The following SAMD4A variants were observed in gnomAD, a reference collection of about 807,000 sequenced individuals.
SAMD4A encodes sterile alpha motif domain containing 4A, also known as protein Smaug homolog 1.
A neutral mutation model predicts 81.3 loss-of-function variants in SAMD4A; 33 were observed. The ratio of observed to expected loss-of-function variants is 0.41; its 90% confidence interval spans 0.31 to 0.54. The LOEUF is 0.54. Ranked by LOEUF, SAMD4A falls within the 20% of genes least tolerant of loss-of-function variation. The pLI is 0.37. For missense variants in SAMD4A, 854 were observed against 951.1 expected (o/e 0.90, Z 1.34); for synonymous variants, 389 against 382.1 (o/e 1.02, Z -0.21).
At chr14:54,571,552 A>G (rs747231521) in intron 2 of SAMD4A, among the ~76,000 whole-genome samples, 6 of 152,222 alleles carry the variant, frequency 3.9e-5, no homozygotes, top group South Asian at 4.1e-4. Flanking sequence ...TATATTTTTC[A>G]TAGAGATTTA....
At position 54,776,411 on chromosome 14, in the gene SAMD4A, C is replaced by T. The variant is rs368100379; in HGVS notation, c.1918-3C>T. The T allele has an allele frequency of 1.0e-5, 16 of 1,589,992 alleles. No individual in the cohort carries two copies. The African/African-American group carries it at 1.4e-4, about 14-fold the overall frequency. The stretch of plus-strand genomic sequence containing the variant: ...CAAGTTCCCCTTTTGCTTTTCTCAC[C>T]AGAACCTGTGGTTTGCCAACCCCGG... On this transcript the variant is annotated splice_region_variant and splice_polypyrimidine_tract_variant and intron_variant, in intron 10 of 12. Transcript: ENST00000554335.
At chr14:54,751,579 G>C in intron 6 of SAMD4A, 42 bp downstream of exon 6, 1 of 1,287,470 alleles carries the variant, frequency 7.8e-7, no homozygotes, top group Non-Finnish European at 1.1e-6. Context: ...TTCATTATGG[G>C]AAAATGGACC....
intron 3 of SAMD4A, among the ~76,000 whole-genome samples, chr14:54,730,083 T>G (rs1195559993): frequency 6.6e-6 from 1 of 152,212 alleles, no homozygotes; most frequent in East Asian, 1.9e-4. Context: ...CTAATTTATT[T>G]CTTAAAAGCT....
At chr14:54,589,818 G>A (rs113054551) in intron 2 of SAMD4A, among the ~76,000 whole-genome samples, 1 of 151,996 alleles carries the variant, frequency 6.6e-6, no homozygotes, top group African/African-American at 2.4e-5. Flanking sequence ...CCCTCTGATC[G>A]ACTGCCTCAA....
intron 11 of SAMD4A, chr14:54,784,178 G>A (rs2039074338): frequency 4.8e-6 from 3 of 619,084 alleles, no homozygotes; most frequent in Non-Finnish European, 8.8e-6. Flanking sequence ...GGAGAGAGCT[G>A]TATGAGGGTA....
At position 54,622,053 on chromosome 14, in the gene SAMD4A, C is replaced by CCTA. The variant is rs145959679; in HGVS notation, c.196+53943_196+53945dup. ...ATTTTTCATGTATAAAAATGTCCTACCTACACACAGTCTTGATGATTTTCA... is the reference window on the plus strand; with the variant it reads ...ATTTTTCATGTATAAAAATGTCCTACCTACTACACACAGTCTTGATGATTTTCA... On this transcript the variant is annotated intron_variant, in intron 2 of 12. Coordinates refer to ENST00000554335, the MANE Select transcript of SAMD4A (RefSeq NM_015589.6). Among the ~76,000 whole-genome samples, 3 of 152,218 alleles carry CCTA rather than the reference C, an allele frequency of 2.0e-5. No homozygotes were observed. The East Asian group carries it at 5.8e-4, about 29-fold the overall frequency.
At chr14:54,739,055 C>CTTTTTTTTTTTTTTTTTTTTTTT (rs3051648) in intron 4 of SAMD4A, among the ~76,000 whole-genome samples, 20 of 97,348 alleles carry the variant, frequency 2.1e-4, no homozygotes, top group African/African-American at 8.7e-4. Context: ...CTTTCCTTTT[C>CTTTTTTTTTTTTTTTTTTTTTTT]TTTTTTTTTT....
chr14:54,760,383 G>C lies in SAMD4A; in HGVS notation c.1399G>C (p.Ala467Pro). 6.6e-7 allele frequency: 1 copy of C among 1,509,580 alleles called. No homozygotes were observed. The highest frequency in any genetic ancestry group is 2.4e-5 in the Admixed American group (1 of 41,782). 93.5% of individuals were successfully genotyped at this position (1,509,580 alleles called of 1,614,324 possible). Residue 467 changes from alanine (A) to proline (P), a missense_variant, in exon 7 of 13, where the codon GCC becomes CCC. This residue lies in a region of SAMD4A where 428 missense variants were observed against 471.2 expected (regional missense o/e 0.91). Coordinates refer to ENST00000554335, the MANE Select transcript of SAMD4A (RefSeq NM_015589.6). ...TGATATPSAG[A>P]SGGLQPHQLS... ...CGCCACGGCCACCCCCTCGGCCGGG[G>C]CCAGCGGGGGGCTCCAGCCGCACCA...
intron 2 of SAMD4A, among the ~76,000 whole-genome samples, chr14:54,580,527 G>A (rs2033434204): frequency 6.6e-6 from 1 of 152,180 alleles, no homozygotes; most frequent in Admixed American, 6.5e-5. Context: ...AAACCCTAGT[G>A]GAGCACTGGG....
intron 2 of SAMD4A, among the ~76,000 whole-genome samples, chr14:54,635,053 A>T (rs1326278921): frequency 6.6e-6 from 1 of 152,184 alleles, no homozygotes; most frequent in African/African-American, 2.4e-5. Context: ...ACATTTGTAG[A>T]TAAAAGTGAG....
At chr14:54,764,755 G>C (rs2038491980) in intron 8 of SAMD4A, among the ~76,000 whole-genome samples, 1 of 152,216 alleles carries the variant, frequency 6.6e-6, no homozygotes, top group Non-Finnish European at 1.5e-5. Context: ...CCCAGACTGA[G>C]TGTTCTGATG....
intron 2 of SAMD4A, among the ~76,000 whole-genome samples, chr14:54,657,820 C>G (rs926263527): frequency 2.6e-5 from 4 of 152,162 alleles, no homozygotes; most frequent in African/African-American, 9.7e-5. Flanking sequence ...TATTTGGGGT[C>G]TACTTTGCAT....
intron 6 of SAMD4A, among the ~76,000 whole-genome samples, chr14:54,758,925 A>G (rs2038317438): frequency 6.6e-6 from 1 of 152,220 alleles, no homozygotes; most frequent in South Asian, 2.1e-4. Flanking sequence ...GCAGAAACAC[A>G]GGGAGAGCAG....
intron 2 of SAMD4A, among the ~76,000 whole-genome samples, chr14:54,681,264 A>G (rs1331184045): frequency 6.8e-6 from 1 of 146,988 alleles, no homozygotes; most frequent in Admixed American, 7.2e-5. Context: ...CTTGTCTTGC[A>G]TTTGAGATGT....
At chr14:54,743,010 C>G (rs2037881919) in intron 4 of SAMD4A, among the ~76,000 whole-genome samples, 1 of 152,088 alleles carries the variant, frequency 6.6e-6, no homozygotes, top group South Asian at 2.1e-4. Context: ...AAATGTAGAC[C>G]TTTGAACCTC....
chr14:54,618,385 G>C (rs1017940970), intron 2 of SAMD4A, among the ~76,000 whole-genome samples: 9 of 152,158 alleles, frequency 5.9e-5, no homozygotes, highest in African/African-American at 2.2e-4. Flanking sequence ...ATTTACTACT[G>C]CTTAAAAACC....
At chr14:54,682,089 T>C (rs1232062503) in intron 2 of SAMD4A, 1 of 981,732 alleles carries the variant, frequency 1.0e-6, no homozygotes, top group Admixed American at 6.2e-5. Context: ...GACTCAGGAA[T>C]CTCCGGATCC....
chr14:54,664,408 G>A (rs1227543343), intron 2 of SAMD4A, among the ~76,000 whole-genome samples: 2 of 152,166 alleles, frequency 1.3e-5, no homozygotes, highest in African/African-American at 4.8e-5. Flanking sequence ...TGTCTAATGA[G>A]CATATAAAGA....
chr14:54,670,959 C>A (rs2035868384), intron 2 of SAMD4A, among the ~76,000 whole-genome samples: 1 of 152,214 alleles, frequency 6.6e-6, no homozygotes, highest in African/African-American at 2.4e-5. Flanking sequence ...TGAGTGAATT[C>A]TTTTTCCCCT....
Sources: allele counts gnomAD v4.1 joint callset (sites outside exome capture counted in the v4.1 genomes callset), GRCh38; gene constraint gnomAD v4.1.1; regional missense constraint gnomAD v4.1.1; transcripts MANE v1.5; gene names NCBI Gene and HGNC (gene_info 2026-07-23, HGNC 2026-07-21).